The following PHF2 variants were observed in gnomAD, a reference collection of about 807,000 sequenced individuals.
The protein encoded by PHF2 is PHD finger protein 2.
In PHF2, 27 loss-of-function variants were observed where a neutral mutation model predicts 120.5. The observed-to-expected ratio is 0.22, with a 90% CI of 0.17 to 0.31. The LOEUF is 0.31. Ranked by LOEUF, PHF2 falls within the 10% of genes least tolerant of loss-of-function variation. PHF2 has a pLI of 1.00. For synonymous variants in PHF2, 568 were observed against 592.5 expected (o/e 0.96, Z 0.60); for missense variants, 1,024 against 1,434.8 (o/e 0.71, Z 4.63).
Position 93,677,521 on chromosome 9 carries a change from C to T in PHF2, c.3203-67C>T, listed in dbSNP as rs998819814. The T allele has an allele frequency of 7.5e-5, 91 of 1,207,296 alleles. No individual in the cohort carries two copies. Among genetic ancestry groups the T allele is most frequent in the Non-Finnish European group, 9.4e-5 (77 of 821,488 alleles). The allele number at this position is 1,207,296 out of a possible 1,614,324, so 74.8% of individuals were successfully genotyped here. A position where few individuals can be genotyped will look rare whatever the true frequency, so the allele number is the denominator to read the frequency against. ...GTGTCAGCGGGACCCTCCCCCCCACCGGCATGCCACGCCCCTTGCCATCTA... is the reference window on the plus strand; with the variant it reads ...GTGTCAGCGGGACCCTCCCCCCCACTGGCATGCCACGCCCCTTGCCATCTA... On this transcript the variant is annotated intron_variant, in intron 21 of 21. Transcript: ENST00000359246. This position sits in a 1 kb window ranked among gnomAD's most constrained non-coding sequence, Gnocchi z 4.4.
intron 1 of PHF2, among the ~76,000 whole-genome samples, chr9:93,580,500 C>A (rs768294949): frequency 6.6e-6 from 1 of 152,210 alleles, no homozygotes; most frequent in African/African-American, 2.4e-5. Flanking sequence ...GCCCTCCACT[C>A]CTGCCTGCAA....
intron 2 of PHF2, among the ~76,000 whole-genome samples, chr9:93,631,152 C>T (rs1316662676): frequency 6.6e-6 from 1 of 152,192 alleles, no homozygotes; most frequent in Non-Finnish European, 1.5e-5. Context: ...GTTCTGTGAG[C>T]TGAGGCTGGG....
At position 93,673,755 on chromosome 9, in the gene PHF2, G is replaced by A. The variant is rs41276200; in HGVS notation, c.2519G>A (p.Ser840Asn). The change falls in exon 18 of 22, where the codon AGT becomes AAT. Residue 840 changes from serine to asparagine, a missense_variant. By Grantham distance (46) the Ser-to-Asn change is conservative. This residue lies in a region of PHF2 where 677 missense variants were observed against 857.4 expected (regional missense o/e 0.79). Transcript: ENST00000359246. ...ARKNGGGSGK[S>N]AGKRLLKRAA... ...AAGAATGGGGGTGGCAGTGGCAAGA[G>A]TGCAGGCAAACGACTGCTGAAGAGG... The A allele has an allele frequency of 0.012, 19,315 of 1,613,424 alleles. 167 individuals carry two copies. Among genetic ancestry groups the A allele is most frequent in the Non-Finnish European group, 0.012 (14,281 of 1,179,788 alleles).
Position 93,648,990 on chromosome 9 carries a change from G to A in PHF2, c.461-81G>A, listed in dbSNP as rs1826309736. 2.0e-6 allele frequency: 3 copies of A among 1,481,706 alleles called. No individual in the cohort carries two copies. The African/African-American group carries it at 4.2e-5, about 21-fold the overall frequency. The allele number at this position is 1,481,706 out of a possible 1,614,324, so 91.8% of individuals were successfully genotyped here. ...TGTGTGTGAGGGCAGCCAAGAGTGT[G>A]TGTCCACTCCACACGTCCTGGCCTC... On this transcript the variant is annotated intron_variant, in intron 4 of 21. Coordinates refer to ENST00000359246, the MANE Select transcript of PHF2 (RefSeq NM_005392.4).
At position 93,619,993 on chromosome 9, in the gene PHF2, G is replaced by A. The variant is rs1445747903; in HGVS notation, c.99-9977G>A. On this transcript the variant is annotated intron_variant, in intron 1 of 21. Transcript: ENST00000359246. Reference sequence around the variant, plus strand: ...TTTGGAGAAGCAGAAGCCCTGCTTAGCACAGCCTTAGAAGGCGTCCCTGGG... The same window carrying A: ...TTTGGAGAAGCAGAAGCCCTGCTTAACACAGCCTTAGAAGGCGTCCCTGGG... Among the ~76,000 whole-genome samples the A allele has an allele frequency of 2.0e-5, 3 of 152,204 alleles. No individual in the cohort carries two copies. In the East Asian group the frequency reaches 5.8e-4, roughly 29 times the overall value.
chr9:93,614,836 G>GTGA (rs547610406), intron 1 of PHF2, among the ~76,000 whole-genome samples: 1 of 73,472 alleles, frequency 1.4e-5, no homozygotes, highest in South Asian at 1.3e-3. Context: ...GACGATGGTG[G>GTGA]TGATGGTGAT....
chr9:93,675,762 G>GGCT lies in PHF2; in HGVS notation c.2811_2813dup (p.Ala939dup), dbSNP rs756350842. The GGCT allele has an allele frequency of 6.2e-7, 1 of 1,611,752 alleles. No individual in the cohort carries two copies. The highest frequency in any genetic ancestry group is 8.5e-7 in the Non-Finnish European group (1 of 1,179,876). ...TGGCTTCCATCGAGACCGGGCTGGC[G>GGCT]GCTGCTGCAGCTAAGTTGTCCCAGC... On this transcript the variant is annotated inframe_insertion, in exon 20 of 22. Transcript: ENST00000359246.
At chr9:93,614,989 A>G (rs1336957175) in intron 1 of PHF2, among the ~76,000 whole-genome samples, 1 of 150,926 alleles carries the variant, frequency 6.6e-6, no homozygotes, top group African/African-American at 2.5e-5. Context: ...AATGGTGATG[A>G]TGATGATGGT....
At chr9:93,599,367 C>T (rs1377695186) in intron 1 of PHF2, among the ~76,000 whole-genome samples, 2 of 152,226 alleles carry the variant, frequency 1.3e-5, no homozygotes, top group Non-Finnish European at 2.9e-5. Context: ...GGCTGCTCTC[C>T]CCTCTCAATT....
At chr9:93,604,730 C>T (rs909996947) in intron 1 of PHF2, among the ~76,000 whole-genome samples, 7 of 152,214 alleles carry the variant, frequency 4.6e-5, no homozygotes, top group African/African-American at 1.7e-4. Flanking sequence ...TCCCAAAGTG[C>T]TGGGCCACCG....
chr9:93,577,799 G>C (rs1564369119), intron 1 of PHF2, among the ~76,000 whole-genome samples: 1 of 152,208 alleles, frequency 6.6e-6, no homozygotes, highest in East Asian at 1.9e-4. Context: ...GCCTAGGGCA[G>C]GTCCCTTCCC....
chr9:93,598,160 A>G (rs79849140), intron 1 of PHF2, among the ~76,000 whole-genome samples: 7,317 of 152,200 alleles, frequency 0.048, 241 homozygotes, highest in Non-Finnish European at 0.072. Flanking sequence ...GCCTGGTGAC[A>G]CCCCAGGGAT....
chr9:93,583,491 G>C (rs1352133318), intron 1 of PHF2, among the ~76,000 whole-genome samples: 1 of 152,170 alleles, frequency 6.6e-6, no homozygotes, highest in Admixed American at 6.5e-5. Flanking sequence ...CTGGCAAACT[G>C]TTTTCCACAG....
At chr9:93,664,314 C>T (rs111628453) in intron 14 of PHF2, among the ~76,000 whole-genome samples, 2,035 of 152,042 alleles carry the variant, frequency 0.013, 53 homozygotes, top group African/African-American at 0.047. Context: ...GCTGGATGAG[C>T]CTCGGGGTGA....
intron 1 of PHF2, among the ~76,000 whole-genome samples, chr9:93,596,186 A>G (rs1825328932): frequency 6.6e-6 from 1 of 152,116 alleles, no homozygotes; most frequent in Non-Finnish European, 1.5e-5. Flanking sequence ...GATACTCTGC[A>G]CAGCTGTGGG....
intron 5 of PHF2, among the ~76,000 whole-genome samples, chr9:93,652,352 T>TG (rs1450038829): frequency 7.1e-6 from 1 of 141,026 alleles, no homozygotes; most frequent in Non-Finnish European, 1.5e-5. Flanking sequence ...TGGAGGGCAG[T>TG]GGGGTGATTT....
intron 1 of PHF2, among the ~76,000 whole-genome samples, chr9:93,619,730 G>T (rs77620025): frequency 3.9e-5 from 6 of 152,238 alleles, no homozygotes; most frequent in African/African-American, 1.4e-4. Flanking sequence ...GGCCCCTGAA[G>T]TTTGCACTTC....
At chr9:93,658,541 C>CAGGT (rs1307415481) in intron 10 of PHF2, among the ~76,000 whole-genome samples, 1 of 152,126 alleles carries the variant, frequency 6.6e-6, no homozygotes, top group Non-Finnish European at 1.5e-5. Context: ...GGAGGGTGAC[C>CAGGT]AGGTGCTGGT....
chr9:93,639,365 AT>A, intron 3 of PHF2, among the ~76,000 whole-genome samples: 1 of 152,198 alleles, frequency 6.6e-6, no homozygotes, highest in East Asian at 1.9e-4. Flanking sequence ...TAATTTTCAG[AT>A]TGTTCATTGA....
Sources: gnomAD v4.1 joint callset for allele counts (sites outside exome capture counted in the v4.1 genomes callset) on GRCh38, gnomAD v4.1.1 for gene constraint, gnomAD v4.1.1 regional missense constraint, Gnocchi (gnomAD v3.1) non-coding constraint, MANE v1.5 for transcripts, NCBI Gene and HGNC (gene_info 2026-07-23, HGNC 2026-07-21) for gene names.